Variants in SLC25A16 observed in about 807,000 individuals in gnomAD.
The protein encoded by SLC25A16 is mitochondrial coenzyme A transporter SLC25A16.
Under a neutral mutation model 41.5 loss-of-function variants are expected in SLC25A16, and 39 were observed. The observed-to-expected ratio is 0.94, with a 90% confidence interval of 0.73 to 1.23. The LOEUF is 1.23. SLC25A16 is among the 50% of genes most tolerant of loss of function. SLC25A16 has a pLI of 0.00. For missense variants in SLC25A16, 421 were observed against 426.9 expected (o/e 0.99, Z 0.12); for synonymous variants, 146 against 147.8 (o/e 0.99, Z 0.09).
At chr10:68,495,270 G>T (rs1286827170) in intron 4 of SLC25A16, among the ~76,000 whole-genome samples, 1 of 151,962 alleles carries the variant, frequency 6.6e-6, no homozygotes, top group African/African-American at 2.4e-5. Context: ...AATTAACCAG[G>T]TGTAATGGTG....
chr10:68,492,698 A>AG (rs2052680222), intron 6 of SLC25A16, among the ~76,000 whole-genome samples: 1 of 152,192 alleles, frequency 6.6e-6, no homozygotes, highest in Admixed American at 6.5e-5. Context: ...ACAAAAAAAA[A>AG]CAGGACTGTA....
At chr10:68,501,430 T>A (rs2052842810) in intron 4 of SLC25A16, among the ~76,000 whole-genome samples, 1 of 150,900 alleles carries the variant, frequency 6.6e-6, no homozygotes, top group African/African-American at 2.4e-5. Context: ...GAGTGTAAAC[T>A]CATCCCACTA....
At chr10:68,525,612 C>T (rs1012025703) in intron 1 of SLC25A16, among the ~76,000 whole-genome samples, 3 of 152,074 alleles carry the variant, frequency 2.0e-5, no homozygotes, top group African/African-American at 7.2e-5. Flanking sequence ...AGCCACTGCA[C>T]ACAACTTCAA....
At chr10:68,503,381 CA>C (rs1364951659) in intron 4 of SLC25A16, 1 of 323,976 alleles carries the variant, frequency 3.1e-6, no homozygotes, top group African/African-American at 2.1e-5. Flanking sequence ...GACTCTTTTT[CA>C]GTTGGCGTAC....
intron 1 of SLC25A16, among the ~76,000 whole-genome samples, chr10:68,519,741 C>T (rs1022557323): frequency 1.3e-5 from 2 of 151,254 alleles, no homozygotes; most frequent in African/African-American, 4.9e-5. Flanking sequence ...ATGGTGAAAC[C>T]CCATCTCTTC....
At chr10:68,492,105 C>A (rs1005152407) in intron 6 of SLC25A16, among the ~76,000 whole-genome samples, 1 of 152,174 alleles carries the variant, frequency 6.6e-6, no homozygotes, top group Non-Finnish European at 1.5e-5. Flanking sequence ...CAGGCTTGAG[C>A]CACCACACCC....
chr10:68,491,267 C>A (rs1224109418), intron 6 of SLC25A16, among the ~76,000 whole-genome samples: 1 of 151,500 alleles, frequency 6.6e-6, no homozygotes, highest in Non-Finnish European at 1.5e-5. Flanking sequence ...GCTCTTGTGG[C>A]CCAGACTGGA....
chr10:68,501,858 A>G (rs1057319199), intron 4 of SLC25A16, among the ~76,000 whole-genome samples: 4 of 152,166 alleles, frequency 2.6e-5, no homozygotes, highest in African/African-American at 9.6e-5. Flanking sequence ...TCCCTCTACA[A>G]AAGTAAACAT....
intron 8 of SLC25A16, among the ~76,000 whole-genome samples, chr10:68,485,256 AT>A (rs201067467): frequency 6.6e-6 from 1 of 151,774 alleles, no homozygotes. Flanking sequence ...CACCCAGCTA[AT>A]TTTTTTGTAT....
In SLC25A16 at chr10:68,523,497, G is replaced by A. The variant is rs141036073; in HGVS notation, c.130+3749C>T. ...ATGTCATTTTTTTTTAATTGAGAGGGAGTCTTGCTCTGTTGCCCAGGCTGG... is the reference window on the plus strand; with the variant it reads ...ATGTCATTTTTTTTTAATTGAGAGGAAGTCTTGCTCTGTTGCCCAGGCTGG... On this transcript the variant is annotated intron_variant, in intron 1 of 8. Coordinates refer to ENST00000609923, the MANE Select transcript of SLC25A16 (RefSeq NM_152707.4). 4.2e-3 allele frequency among the ~76,000 whole-genome samples: 632 copies of A among 152,172 alleles called. 8 individuals carry two copies. The highest frequency in any genetic ancestry group is 0.015 in the African/African-American group (610 of 41,538).
chr10:68,500,136 T>C (rs1354824061), intron 4 of SLC25A16, among the ~76,000 whole-genome samples: 1 of 152,182 alleles, frequency 6.6e-6, no homozygotes, highest in Non-Finnish European at 1.5e-5. Flanking sequence ...AGCTTTAAAA[T>C]AAGCTACATT....
Position 68,493,551 on chromosome 10 carries a change from A to G in SLC25A16, c.441T>C (p.Cys147=). Residue 147 remains cysteine, a synonymous_variant, in exon 5 of 9, where the codon TGT becomes TGC. Transcript: ENST00000609923. ...CCCTAACCATGTCAAGAGGGTAAGT[A>G]CAGATAACTGCTGTCATACCTGAAA... ...GSMAGMTAVI[C]TYPLDMVRVR... 1 of 1,612,944 alleles carries G rather than the reference A, an allele frequency of 6.2e-7. No individual in the cohort carries two copies. The highest frequency in any genetic ancestry group is 8.5e-7 in the Non-Finnish European group (1 of 1,179,084).
rs1564910017 is a variant in SLC25A16, at chr10:68,488,464, T to TA, written c.773+2dup. The TA allele has an allele frequency of 2.7e-6, 4 of 1,493,782 alleles. No homozygotes were observed. Among genetic ancestry groups the TA allele is most frequent in the Non-Finnish European group, 3.6e-6 (4 of 1,124,860 alleles). 92.5% of individuals were successfully genotyped at this position (1,493,782 alleles called of 1,614,324 possible). ...ATTAAATTAAGTTAGTGAAGAAACTTACGATATTGTCTGCGCTATTGCTCC... is the reference window on the plus strand; with the variant it reads ...ATTAAATTAAGTTAGTGAAGAAACTTAACGATATTGTCTGCGCTATTGCTCC... On this transcript the variant is annotated splice_region_variant and intron_variant, in intron 7 of 8. Transcript: ENST00000609923.
intron 1 of SLC25A16, among the ~76,000 whole-genome samples, chr10:68,526,270 C>A (rs1045132385): frequency 3.3e-5 from 5 of 151,884 alleles, no homozygotes; most frequent in Admixed American, 3.3e-4. Flanking sequence ...GTGGGACCTG[C>A]GGGCAGCAAT....
At chr10:68,504,062 G>A (rs2052907038) in intron 3 of SLC25A16, among the ~76,000 whole-genome samples, 1 of 120,058 alleles carries the variant, frequency 8.3e-6, no homozygotes, top group Non-Finnish European at 1.6e-5. Context: ...GTCTCGCTCT[G>A]TGTCCCAGGC....
At chr10:68,484,390 A>G (rs2052525730) in intron 8 of SLC25A16, among the ~76,000 whole-genome samples, 1 of 151,196 alleles carries the variant, frequency 6.6e-6, no homozygotes, top group African/African-American at 2.4e-5. Context: ...TTTCCCTTTC[A>G]ATAGGCAATC....
chr10:68,514,420 C>T (rs1223111224), intron 2 of SLC25A16, among the ~76,000 whole-genome samples: 4 of 152,018 alleles, frequency 2.6e-5, no homozygotes, highest in East Asian at 1.9e-4. Context: ...CACTTGAACC[C>T]GGAAGGCGGA....
chr10:68,524,092 C>T (rs568848189), intron 1 of SLC25A16, among the ~76,000 whole-genome samples: 42 of 151,952 alleles, frequency 2.8e-4, no homozygotes, highest in Non-Finnish European at 4.6e-4. Flanking sequence ...GGGCGGATCA[C>T]GAGGTCAGGA....
Position 68,479,857 on chromosome 10 carries a change from C to G in SLC25A16, c.*3575G>C, listed in dbSNP as rs1242335549. 7.0e-6 allele frequency: 1 copy of G among 141,970 alleles called. No homozygotes were observed. The highest frequency in any genetic ancestry group is 2.3e-4 in the South Asian group (1 of 4,304). The allele number at this position is 141,970 out of a possible 1,614,324, so 8.8% of individuals were successfully genotyped here. On this transcript the variant is annotated 3_prime_UTR_variant, in exon 9 of 9. Transcript: ENST00000609923. ...AAAAGAAAGAAAAGAAAGAAAAATA[C>G]AAAACTCAGCTGGGCATGGTAGCAC...
Sources: gnomAD v4.1 joint callset for allele counts (sites outside exome capture counted in the v4.1 genomes callset) on GRCh38, gnomAD v4.1.1 for gene constraint, MANE v1.5 for transcripts, NCBI Gene and HGNC (gene_info 2026-07-23, HGNC 2026-07-21) for gene names.